CDC42BPA: variants seen among roughly 807,000 people sequenced by gnomAD.
CDC42BPA encodes serine/threonine-protein kinase MRCK alpha.
In CDC42BPA, 80 loss-of-function variants were observed where a neutral mutation model predicts 223.5. The ratio of observed to expected loss-of-function variants is 0.36; its 90% CI spans 0.30 to 0.43. The LOEUF (loss-of-function observed/expected upper bound fraction) is 0.43. Among genes scored for constraint, CDC42BPA ranks in the 20% least tolerant of loss-of-function variants. The pLI is 1.00. For missense variants in CDC42BPA, 1,743 were observed against 2,099.9 expected (o/e 0.83, Z 3.32); for synonymous variants, 694 against 718.6 (o/e 0.97, Z 0.55).
chr1:227,267,934 G>A (rs1685274351), intron 1 of CDC42BPA, among the ~76,000 whole-genome samples: 1 of 152,106 alleles, frequency 6.6e-6, no homozygotes, highest in African/African-American at 2.4e-5. Flanking sequence ...AAAGACATGG[G>A]AGAAAGAATC....
At chr1:227,065,145 T>A (rs1676776196) in intron 21 of CDC42BPA, among the ~76,000 whole-genome samples, 1 of 150,098 alleles carries the variant, frequency 6.7e-6, no homozygotes, top group Non-Finnish European at 1.5e-5. Flanking sequence ...CCCTTCTTTA[T>A]CTGTCCTAAA....
intron 1 of CDC42BPA, among the ~76,000 whole-genome samples, chr1:227,316,209 A>G (rs1694361492): frequency 6.6e-6 from 1 of 152,188 alleles, no homozygotes; most frequent in Non-Finnish European, 1.5e-5. Context: ...TGTGCCCTGT[A>G]TGTAACAGCA....
At chr1:227,022,761 T>C (rs1245547603) in intron 32 of CDC42BPA, among the ~76,000 whole-genome samples, 1 of 152,134 alleles carries the variant, frequency 6.6e-6, no homozygotes, top group East Asian at 1.9e-4. Context: ...TCTGTAACAC[T>C]CTGGGTCTCT....
At chr1:227,252,021 A>C (rs1306709783) in intron 2 of CDC42BPA, among the ~76,000 whole-genome samples, 1 of 152,118 alleles carries the variant, frequency 6.6e-6, no homozygotes, top group Non-Finnish European at 1.5e-5. Context: ...ACATACCAAA[A>C]TATGTCTGCT....
At chr1:227,273,973 G>C (rs1268846583) in intron 1 of CDC42BPA, among the ~76,000 whole-genome samples, 1 of 86,302 alleles carries the variant, frequency 1.2e-5, no homozygotes, top group East Asian at 4.0e-4. Context: ...TGGTTTGATA[G>C]TTTTCAAATA....
intron 2 of CDC42BPA, among the ~76,000 whole-genome samples, chr1:227,213,826 C>T (rs1674369454): frequency 1.3e-5 from 2 of 152,052 alleles, no homozygotes; most frequent in South Asian, 4.2e-4. Context: ...AAACTTTACA[C>T]ATCCCTTCCA....
intron 34 of CDC42BPA, 43 bp downstream of exon 34, chr1:227,016,037 C>T (rs550226556): frequency 1.6e-5 from 16 of 1,011,400 alleles, no homozygotes; most frequent in South Asian, 1.2e-4. Context: ...TTATACTCCC[C>T]CCACACCCGC....
intron 34 of CDC42BPA, among the ~76,000 whole-genome samples, chr1:227,013,678 T>C (rs1315316896): frequency 1.3e-5 from 2 of 152,130 alleles, no homozygotes; most frequent in Non-Finnish European, 2.9e-5. Context: ...GCTACATTGT[T>C]GGAATGTATG....
In CDC42BPA at chr1:227,309,295, GATTAT is replaced by G. The variant is rs915445157; in HGVS notation, c.178+7705_178+7709del. 1.1e-4 allele frequency among the ~76,000 whole-genome samples: 16 copies of G among 151,834 alleles called. 1 individual carries two copies. Among genetic ancestry groups the G allele is most frequent in the African/African-American group, 3.9e-4 (16 of 41,452 alleles). ...ACAATGAAACTAGATTGTCCTCTAT[GATTAT>G]TATCTGGCCTCCCAAAAACTCTGAA... On this transcript the variant is annotated intron_variant, in intron 1 of 36. Transcript: ENST00000366766.
intron 2 of CDC42BPA, among the ~76,000 whole-genome samples, chr1:227,233,486 C>A (rs181165510): frequency 6.6e-6 from 1 of 152,272 alleles, no homozygotes; most frequent in Non-Finnish European, 1.5e-5. Flanking sequence ...TGGCATAAAT[C>A]CTTTATCAAG....
chr1:227,213,194 G>A lies in CDC42BPA; in HGVS notation c.296C>T (p.Ala99Val). The A allele has an allele frequency of 6.4e-7, 1 of 1,557,128 alleles. No homozygotes were observed. Among genetic ancestry groups the A allele is most frequent in the South Asian group, 1.2e-5 (1 of 84,876 alleles). The stretch of plus-strand genomic sequence containing the variant: ...TATTTTCATGGCAAACACTTTATCT[G>A]CATTTTTTAGTTTTACTACAGCAAC... ...GEVAVVKLKN[A>V]DKVFAMKILN... Residue 99 changes from alanine (A) to valine (V), a missense_variant, in exon 3 of 37, where the codon GCA becomes GTA. Ala to Val is a moderately conservative substitution (Grantham distance 64). This residue lies in a region of CDC42BPA where 321 missense variants were observed against 488.7 expected (regional missense o/e 0.66). Transcript: ENST00000366766.
chr1:227,021,536 C>G (rs934944270), intron 32 of CDC42BPA, among the ~76,000 whole-genome samples: 11 of 152,182 alleles, frequency 7.2e-5, no homozygotes, highest in African/African-American at 2.6e-4. Flanking sequence ...AGACAATGTA[C>G]CAATGCACTG....
chr1:227,216,996 A>C (rs1476341175), intron 2 of CDC42BPA, among the ~76,000 whole-genome samples: 1 of 152,200 alleles, frequency 6.6e-6, no homozygotes, highest in East Asian at 1.9e-4. Flanking sequence ...TGAAGCTACA[A>C]ACTAGTTACA....
intron 3 of CDC42BPA, among the ~76,000 whole-genome samples, chr1:227,204,329 T>C (rs1207437308): frequency 1.3e-5 from 2 of 152,172 alleles, no homozygotes; most frequent in Non-Finnish European, 1.5e-5. Context: ...ATTTTAAATA[T>C]AGAAATAATT....
intron 2 of CDC42BPA, among the ~76,000 whole-genome samples, chr1:227,238,533 C>T (rs1052952751): frequency 1.3e-5 from 2 of 151,966 alleles, no homozygotes; most frequent in African/African-American, 4.8e-5. Flanking sequence ...AGAGTAGTTG[C>T]CACAGAGAAC....
At chr1:227,063,371 C>T (rs1006758205) in intron 21 of CDC42BPA, among the ~76,000 whole-genome samples, 7 of 151,888 alleles carry the variant, frequency 4.6e-5, no homozygotes, top group Admixed American at 1.3e-4. Flanking sequence ...CAAGCAGAAA[C>T]CAAAAGAAAT....
At chr1:227,244,494 T>TTG (rs1553414382) in intron 2 of CDC42BPA, among the ~76,000 whole-genome samples, 2 of 149,690 alleles carry the variant, frequency 1.3e-5, no homozygotes, top group African/African-American at 2.5e-5. Flanking sequence ...ATTCACATGG[T>TTG]GGGGGGGGGC....
intron 5 of CDC42BPA, among the ~76,000 whole-genome samples, chr1:227,184,114 T>A (rs1309472839): frequency 6.6e-6 from 1 of 152,210 alleles, no homozygotes; most frequent in Non-Finnish European, 1.5e-5. Flanking sequence ...GTAAGGTATG[T>A]TGACAACTAT....
chr1:227,318,300 A>C lies in CDC42BPA; in HGVS notation c.-1118T>G, dbSNP rs1440313078. ...AGCGAGGAGGGAGGCGGCCCGGCGC[A>C]GGAGGAGGGGTCGCTTCCGCGGCTG... is the stretch of plus-strand genomic sequence containing the variant. On this transcript the variant is annotated 5_prime_UTR_variant, in exon 1 of 37. Coordinates refer to ENST00000366766, the MANE Select transcript of CDC42BPA (RefSeq NM_001394014.1). The C allele has an allele frequency of 6.6e-6, 1 of 152,458 alleles. No individual in the cohort carries two copies. The allele number at this position is 152,458 out of a possible 1,614,324, so 9.4% of individuals were successfully genotyped here.
Sources: allele counts gnomAD v4.1 joint callset (sites outside exome capture counted in the v4.1 genomes callset), GRCh38; gene constraint gnomAD v4.1.1; regional missense constraint gnomAD v4.1.1; transcripts MANE v1.5; gene names NCBI Gene and HGNC (gene_info 2026-07-23, HGNC 2026-07-21).